RAB31: variants seen among roughly 807,000 people sequenced by gnomAD.
RAB31 encodes the protein RAB31, member RAS oncogene family.
Under a neutral mutation model 25.6 loss-of-function variants are expected in RAB31, and 21 were observed. The observed-to-expected ratio is 0.82, with a 90% CI of 0.58 to 1.18. The LOEUF is 1.18. Ranked by LOEUF, RAB31 falls within the 50% of genes most tolerant of loss-of-function variation. RAB31 has a pLI of 0.00. For synonymous variants in RAB31, 87 were observed against 84.0 expected, an observed-to-expected ratio of 1.04 and a Z score of -0.20; for missense variants, 196 against 250.1, an observed-to-expected ratio of 0.78 and a Z score of 1.46.
chr18:9,753,214 G>A (rs946846331), intron 1 of RAB31, among the ~76,000 whole-genome samples: 21 of 152,188 alleles, frequency 1.4e-4, no homozygotes, highest in African/African-American at 4.6e-4. Flanking sequence ...TAAAACTCAC[G>A]TTGAAACTTA....
In RAB31 at chr18:9,778,614, T is replaced by A. The variant is rs6506700; in HGVS notation, c.119+3257T>A. On this transcript the variant is annotated intron_variant, in intron 2 of 6. Transcript: ENST00000578921. ...GCCTCCCAAGTAGCTGGGATTACAGTTGCACGCCACCATGCCCAGCTAATT... is the reference window on the plus strand; with the variant it reads ...GCCTCCCAAGTAGCTGGGATTACAGATGCACGCCACCATGCCCAGCTAATT... 2.0e-5 allele frequency among the ~76,000 whole-genome samples: 3 copies of A among 151,938 alleles called. No individual in the cohort carries two copies. The South Asian group carries it at 6.2e-4, about 32-fold the overall frequency.
chr18:9,762,179 C>G (rs1323076887), intron 1 of RAB31, among the ~76,000 whole-genome samples: 1 of 152,176 alleles, frequency 6.6e-6, no homozygotes, highest in Non-Finnish European at 1.5e-5. Flanking sequence ...TTCTTAGGAG[C>G]AAGTCATTGG....
At chr18:9,712,580 T>A (rs2068022921) in intron 1 of RAB31, among the ~76,000 whole-genome samples, 1 of 152,292 alleles carries the variant, frequency 6.6e-6, no homozygotes, top group South Asian at 2.1e-4. Flanking sequence ...CAGCAGCTGC[T>A]TCAACCCCAA....
At chr18:9,812,709 T>C (rs1403462710) in intron 3 of RAB31, among the ~76,000 whole-genome samples, 2 of 132,846 alleles carry the variant, frequency 1.5e-5, no homozygotes, top group East Asian at 2.3e-4. Flanking sequence ...TTTTTTTTTT[T>C]TTTTTTGAGA....
At chr18:9,725,073 C>T (rs1568162815) in intron 1 of RAB31, among the ~76,000 whole-genome samples, 3 of 152,148 alleles carry the variant, frequency 2.0e-5, no homozygotes, top group Non-Finnish European at 4.4e-5. Context: ...TTCCTCATAG[C>T]ATGGAGTCTC....
intron 1 of RAB31, among the ~76,000 whole-genome samples, chr18:9,731,504 A>C (rs149659815): frequency 6.6e-6 from 1 of 151,750 alleles, no homozygotes; most frequent in Non-Finnish European, 1.5e-5. Context: ...CAGTGATTCA[A>C]CTGTATGGGA....
At chr18:9,758,294 G>C (rs1309590859) in intron 1 of RAB31, 1 of 152,482 alleles carries the variant, frequency 6.6e-6, no homozygotes, top group Non-Finnish European at 1.5e-5. Context: ...TCAGCAGGAT[G>C]GGGGAGTGGA....
At chr18:9,797,656 G>A (rs1329196546) in intron 3 of RAB31, 2 of 152,182 alleles carry the variant, frequency 1.3e-5, no homozygotes, top group African/African-American at 4.8e-5. Context: ...CCATACGGTT[G>A]AAAGTAAAAC....
chr18:9,768,312 C>T (rs77627714), intron 1 of RAB31, among the ~76,000 whole-genome samples: 14,559 of 152,204 alleles, frequency 0.096, 773 homozygotes, highest in South Asian at 0.2. Flanking sequence ...CTTACACTCC[C>T]ACCAACAGTG....
intron 6 of RAB31, among the ~76,000 whole-genome samples, chr18:9,858,707 A>G (rs2068831415): frequency 6.6e-6 from 1 of 152,248 alleles, no homozygotes; most frequent in Non-Finnish European, 1.5e-5. Context: ...ATCTAAATGC[A>G]TTGGCAGGAT....
At chr18:9,786,291 G>A (rs913962843) in intron 2 of RAB31, among the ~76,000 whole-genome samples, 1 of 152,256 alleles carries the variant, frequency 6.6e-6, no homozygotes, top group Non-Finnish European at 1.5e-5. Flanking sequence ...GGAGGGCATG[G>A]CAGCTCTGTG....
In RAB31 at chr18:9,738,694, G is replaced by A. The variant is rs114174574; in HGVS notation, c.39+30250G>A. Among the ~76,000 whole-genome samples, 1,305 of 152,202 alleles carry A rather than the reference G, an allele frequency of 8.6e-3. 17 individuals carry two copies. The highest frequency in any genetic ancestry group is 0.029 in the African/African-American group (1,219 of 41,516). ...TGGTGAATGTCAGTAAGTGTTTCCCGGGGTTCTGTGAGCCACTCTAGCAAA... is the reference window on the plus strand; with the variant it reads ...TGGTGAATGTCAGTAAGTGTTTCCCAGGGTTCTGTGAGCCACTCTAGCAAA... On this transcript the variant is annotated intron_variant, in intron 1 of 6. Transcript: ENST00000578921.
chr18:9,821,209 A>T (rs182699564), intron 5 of RAB31, among the ~76,000 whole-genome samples: 1 of 152,192 alleles, frequency 6.6e-6, no homozygotes, highest in East Asian at 1.9e-4. Flanking sequence ...CATACTTTGT[A>T]TGATTTTAAT....
At chr18:9,851,523 G>C (rs1487114279) in intron 6 of RAB31, among the ~76,000 whole-genome samples, 6 of 152,162 alleles carry the variant, frequency 3.9e-5, no homozygotes, top group African/African-American at 9.7e-5. Flanking sequence ...GCCTGGAGAG[G>C]CTTGTAACTT....
intron 1 of RAB31, among the ~76,000 whole-genome samples, chr18:9,762,768 A>G (rs142997219): frequency 1.0e-3 from 155 of 152,208 alleles, no homozygotes; most frequent in African/African-American, 3.6e-3. Flanking sequence ...TGATCTGAAG[A>G]GTAGGGGAGG....
chr18:9,823,332 T>C (rs1448237935), intron 5 of RAB31, among the ~76,000 whole-genome samples: 3 of 152,164 alleles, frequency 2.0e-5, no homozygotes, highest in African/African-American at 7.2e-5. Context: ...CTGCTTGGTA[T>C]CTTCTCTGTG....
intron 1 of RAB31, among the ~76,000 whole-genome samples, chr18:9,739,564 ACAAACTATCTGGATGATTCTTAGC>A (rs1375256599): frequency 6.6e-6 from 1 of 152,006 alleles, no homozygotes; most frequent in East Asian, 1.9e-4. Flanking sequence ...AAAAAAGTAA[ACAAACTATCTGGATGATTCTTAGC>A]CTATGGAGAG....
chr18:9,708,395 G>A lies in RAB31; in HGVS notation c.-11G>A. The A allele has an allele frequency of 6.4e-7, 1 of 1,561,072 alleles. No homozygotes were observed. Among genetic ancestry groups the A allele is most frequent in the South Asian group, 1.2e-5 (1 of 86,588 alleles). ...TGCTGCTGAGCCCCGGCACTGCCTG[G>A]CTGCGAGCACATGATGGCGATACGG... On this transcript the variant is annotated 5_prime_UTR_variant, in exon 1 of 7. It introduces an in-frame stop codon into an upstream open reading frame of the 5' UTR. Coordinates refer to ENST00000578921, the MANE Select transcript of RAB31 (RefSeq NM_006868.4). This position sits in a 1 kb window ranked among gnomAD's most constrained non-coding sequence, Gnocchi z 6.4.
At chr18:9,825,872 T>A (rs948048194) in intron 5 of RAB31, among the ~76,000 whole-genome samples, 1 of 152,166 alleles carries the variant, frequency 6.6e-6, no homozygotes, top group Non-Finnish European at 1.5e-5. Context: ...TTCTTACTTA[T>A]AAGGGGAAGT....
Sources: allele counts gnomAD v4.1 joint callset (sites outside exome capture counted in the v4.1 genomes callset), GRCh38; gene constraint gnomAD v4.1.1; non-coding constraint Gnocchi (gnomAD v3.1); transcripts MANE v1.5; gene names NCBI Gene and HGNC (gene_info 2026-07-23, HGNC 2026-07-21).